Variants in NKAIN3 observed in about 807,000 individuals in gnomAD.
NKAIN3 encodes sodium/potassium-transporting ATPase subunit beta-1-interacting protein 3.
A neutral mutation model predicts 30.2 loss-of-function variants in NKAIN3; 25 were observed. The observed-to-expected ratio is 0.83, with a 90% CI of 0.60 to 1.16. The LOEUF is 1.16. Among genes scored for constraint, NKAIN3 ranks in the 50% most tolerant of loss-of-function variants. The pLI is 0.00. For synonymous variants in NKAIN3, 91 were observed against 89.6 expected (o/e 1.02, Z -0.09); for missense variants, 225 against 254.1 (o/e 0.89, Z 0.78).
Position 62,982,933 on chromosome 8 carries a change from G to C in NKAIN3, c.*17526G>C, listed in dbSNP as rs765071160. The C allele has an allele frequency of 6.6e-5, 10 of 152,122 alleles. No individual in the cohort carries two copies. The highest frequency in any genetic ancestry group is 1.2e-4 in the Non-Finnish European group (8 of 68,026). 9.4% of individuals were successfully genotyped at this position (152,122 alleles called of 1,614,324 possible). ...TCTCATCTCCTGTCTGTTGATAGTA[G>C]AGCTTATATCAAACTGGGACATGTT... On this transcript the variant is annotated 3_prime_UTR_variant, in exon 7 of 7. Coordinates refer to ENST00000623646, the MANE Select transcript of NKAIN3 (RefSeq NM_001304533.3).
intron 3 of NKAIN3, among the ~76,000 whole-genome samples, chr8:62,665,719 C>T (rs1813077846): frequency 6.6e-6 from 1 of 152,134 alleles, no homozygotes; most frequent in Non-Finnish European, 1.5e-5. Flanking sequence ...TGGTGGCTTC[C>T]TGTGCCCTCT....
chr8:62,787,862 T>C (rs1435855854), intron 4 of NKAIN3, among the ~76,000 whole-genome samples: 2 of 152,146 alleles, frequency 1.3e-5, no homozygotes, highest in Non-Finnish European at 2.9e-5. Context: ...TGGGAACTCA[T>C]CATTTTTTAT....
intron 1 of NKAIN3, among the ~76,000 whole-genome samples, chr8:62,480,707 A>G (rs1243033416): frequency 6.6e-6 from 1 of 152,174 alleles, no homozygotes; most frequent in East Asian, 1.9e-4. Flanking sequence ...TTGTACCCAG[A>G]AAATCATTTC....
intron 4 of NKAIN3, among the ~76,000 whole-genome samples, chr8:62,875,727 G>A (rs779312951): frequency 6.6e-6 from 1 of 152,106 alleles, no homozygotes; most frequent in Admixed American, 6.5e-5. Context: ...AATGGGGAAA[G>A]GATCTCCTCC....
rs536908502 is a variant in NKAIN3, at chr8:62,508,260, C to T, written c.55-71279C>T. ...TTCACGTGATGACCCCGAATCATTC[C>T]AGTCCAACCCTTCACAACAGAGGGA... On this transcript the variant is annotated intron_variant, in intron 1 of 6. Coordinates refer to ENST00000623646, the MANE Select transcript of NKAIN3 (RefSeq NM_001304533.3). Among the ~76,000 whole-genome samples the T allele has an allele frequency of 5.3e-5, 8 of 152,264 alleles. No homozygotes were observed. The South Asian group carries it at 1.7e-3, about 32-fold the overall frequency.
chr8:62,896,032 C>G (rs1215843022), intron 4 of NKAIN3, among the ~76,000 whole-genome samples: 2 of 151,544 alleles, frequency 1.3e-5, no homozygotes, highest in African/African-American at 4.9e-5. Context: ...ACGTTGATGT[C>G]TCAGTCAATT....
chr8:62,551,243 C>A (rs766852856), intron 1 of NKAIN3, among the ~76,000 whole-genome samples: 1 of 151,924 alleles, frequency 6.6e-6, no homozygotes, highest in Non-Finnish European at 1.5e-5. Flanking sequence ...AGAGGAACAG[C>A]GGGAAGGAAA....
intron 1 of NKAIN3, among the ~76,000 whole-genome samples, chr8:62,413,446 C>T (rs1804328871): frequency 6.6e-6 from 1 of 152,154 alleles, no homozygotes; most frequent in Non-Finnish European, 1.5e-5. Context: ...CTGAGCCTCA[C>T]ATTATGTAAT....
At chr8:62,249,246 G>T in intron 1 of NKAIN3, 119 bp downstream of exon 1, 3 of 837,974 alleles carry the variant, frequency 3.6e-6, no homozygotes, top group Non-Finnish European at 5.3e-6. Context: ...AGGGCGCTCC[G>T]CCCGCCTCCC....
chr8:62,411,477 C>T (rs556896507), intron 1 of NKAIN3, among the ~76,000 whole-genome samples: 1 of 152,236 alleles, frequency 6.6e-6, no homozygotes, highest in African/African-American at 2.4e-5. Flanking sequence ...CCATTCATTC[C>T]TCTTGAGAAC....
rs531215711 is a variant in NKAIN3, at chr8:62,706,889, G to T, written c.274-40043G>T. Among the ~76,000 whole-genome samples, 15 of 151,990 alleles carry T rather than the reference G, an allele frequency of 9.9e-5. No homozygotes were observed. In the East Asian group the frequency reaches 2.9e-3, roughly 30 times the overall value. On this transcript the variant is annotated intron_variant, in intron 3 of 6. Coordinates refer to ENST00000623646, the MANE Select transcript of NKAIN3 (RefSeq NM_001304533.3). ...TTCATTGTATCATTCATATGCCTTT[G>T]CATCCTCATAGCTTAGCTCCCACAT...
chr8:62,826,577 A>C (rs1819031840), intron 4 of NKAIN3, among the ~76,000 whole-genome samples: 1 of 152,220 alleles, frequency 6.6e-6, no homozygotes, highest in African/African-American at 2.4e-5. Context: ...GGCTGATTTT[A>C]AATGGATGAA....
intron 1 of NKAIN3, among the ~76,000 whole-genome samples, chr8:62,497,223 G>A (rs1807270356): frequency 2.6e-5 from 4 of 151,804 alleles, no homozygotes; most frequent in Admixed American, 2.0e-4. Flanking sequence ...ACAATTTAAT[G>A]GTTTTTAGTT....
At chr8:62,334,217 T>C (rs764832364) in intron 1 of NKAIN3, among the ~76,000 whole-genome samples, 10 of 146,928 alleles carry the variant, frequency 6.8e-5, no homozygotes, top group Non-Finnish European at 1.2e-4. Context: ...CAAATCAAGT[T>C]GCTTAAAACA....
intron 1 of NKAIN3, among the ~76,000 whole-genome samples, chr8:62,446,533 A>G (rs1805491207): frequency 1.3e-5 from 2 of 152,060 alleles, no homozygotes; most frequent in African/African-American, 4.8e-5. Flanking sequence ...ATACATTCAC[A>G]TTATTGTTCC....
chr8:62,492,892 G>T (rs1164439764), intron 1 of NKAIN3, among the ~76,000 whole-genome samples: 1 of 151,966 alleles, frequency 6.6e-6, no homozygotes, highest in Non-Finnish European at 1.5e-5. Context: ...GTATGTAAGT[G>T]TTCCCTTTTC....
intron 1 of NKAIN3, among the ~76,000 whole-genome samples, chr8:62,510,953 A>G (rs1032241336): frequency 7.9e-5 from 12 of 152,074 alleles, no homozygotes; most frequent in Admixed American, 2.6e-4. Flanking sequence ...TGTTTCCCAC[A>G]TAAATGGCAG....
At chr8:62,555,622 GA>G (rs1809363200) in intron 1 of NKAIN3, among the ~76,000 whole-genome samples, 2 of 151,828 alleles carry the variant, frequency 1.3e-5, no homozygotes, top group African/African-American at 4.8e-5. Context: ...GGTTTAGTAG[GA>G]AAAAAAGACA....
intron 1 of NKAIN3, among the ~76,000 whole-genome samples, chr8:62,257,231 A>C (rs1364745422): frequency 6.6e-6 from 1 of 152,206 alleles, no homozygotes; most frequent in African/African-American, 2.4e-5. Flanking sequence ...ATTGGTTTGA[A>C]TATGTCCTTC....
Sources: gnomAD v4.1 joint callset for allele counts (sites outside exome capture counted in the v4.1 genomes callset) on GRCh38, gnomAD v4.1.1 for gene constraint, MANE v1.5 for transcripts, NCBI Gene and HGNC (gene_info 2026-07-23, HGNC 2026-07-21) for gene names.